PDF: variants seen among roughly 807,000 people sequenced by gnomAD.
PDF encodes peptide deformylase-like protein.
PDF carries 31 observed loss-of-function variants against 20.3 expected under a neutral mutation model. The observed-to-expected ratio is 1.52, with a 90% CI of 1.15 to 2.06. The LOEUF (loss-of-function observed/expected upper bound fraction) is 2.06. Among genes scored for constraint, PDF ranks in the 30% most tolerant of loss-of-function variants. The pLI is 0.00. For synonymous variants in PDF, 254 were observed against 172.0 expected (o/e 1.48, Z -3.73); for missense variants, 447 against 362.5 (o/e 1.23, Z -1.89).
chr16:69,329,546 A>G (rs1426788783), intron 1 of PDF, among the ~76,000 whole-genome samples: 1 of 152,154 alleles, frequency 6.6e-6, no homozygotes, highest in East Asian at 1.9e-4. Context: ...GACCATCTTG[A>G]ACCGACGGGC....
In PDF at chr16:69,327,814, C is replaced by T. The variant is rs1360681158; in HGVS notation, c.*1208G>A. On this transcript the variant is annotated 3_prime_UTR_variant, in exon 2 of 2. Coordinates refer to ENST00000288022, the MANE Select transcript of PDF (RefSeq NM_022341.2). The stretch of plus-strand genomic sequence containing the variant: ...ATTGCCTGAGACCAGGAATTTGAGG[C>T]CAGCCTGGGCAACATAGTAAGACCC... 1 of 151,568 alleles carries T rather than the reference C, an allele frequency of 6.6e-6. No individual in the cohort carries two copies. The highest frequency in any genetic ancestry group is 2.4e-5 in the African/African-American group (1 of 41,180). 9.4% of individuals were successfully genotyped at this position (151,568 alleles called of 1,614,324 possible). A position where few individuals can be genotyped will look rare whatever the true frequency, so the allele number is the denominator to read the frequency against.
At chr16:69,329,793 A>T (rs1387834168) in intron 1 of PDF, among the ~76,000 whole-genome samples, 1 of 151,910 alleles carries the variant, frequency 6.6e-6, no homozygotes, top group African/African-American at 2.4e-5. Flanking sequence ...GAACTAGGGG[A>T]CCTCTCCTCG....
rs1965681066 is a variant in PDF, at chr16:69,328,743, A to G, written c.*279T>C. On this transcript the variant is annotated 3_prime_UTR_variant, in exon 2 of 2. Coordinates refer to ENST00000288022, the MANE Select transcript of PDF (RefSeq NM_022341.2). ...GAGGAACTCGTGTCTACTGCAGACG[A>G]ATGCAATTACCCCACCTTCCTCCAT... 1 of 416,582 alleles carries G rather than the reference A, an allele frequency of 2.4e-6. No individual in the cohort carries two copies. The highest frequency in any genetic ancestry group is 2.9e-5 in the South Asian group (1 of 34,580). The allele number at this position is 416,582 out of a possible 1,614,324, so 25.8% of individuals were successfully genotyped here.
At position 69,328,066 on chromosome 16, in the gene PDF, G is replaced by A. The variant is rs1043869062; in HGVS notation, c.*956C>T. 2 of 152,210 alleles carry A rather than the reference G, an allele frequency of 1.3e-5. No homozygotes were observed. Among genetic ancestry groups the A allele is most frequent in the African/African-American group, 4.8e-5 (2 of 41,524 alleles). 9.4% of individuals were successfully genotyped at this position (152,210 alleles called of 1,614,324 possible). ...TGGGTTCAAGTAATTCTCTGCCTTG[G>A]CTTCACGAGTAGCTGGGATTACAGG... On this transcript the variant is annotated 3_prime_UTR_variant, in exon 2 of 2. Transcript: ENST00000288022.
Position 69,328,810 on chromosome 16 carries a change from T to C in PDF, c.*212A>G. On this transcript the variant is annotated 3_prime_UTR_variant, in exon 2 of 2. Coordinates refer to ENST00000288022, the MANE Select transcript of PDF (RefSeq NM_022341.2). ...ATGTCCACTCCTTTGGGGGTGATTT[T>C]TCTCCTCAAGTTGTAGCCAACATTT... is the stretch of plus-strand genomic sequence containing the variant. 1 of 605,728 alleles carries C rather than the reference T, an allele frequency of 1.7e-6. No individual in the cohort carries two copies. The highest frequency in any genetic ancestry group is 2.7e-6 in the Non-Finnish European group (1 of 363,940). 37.5% of individuals were successfully genotyped at this position (605,728 alleles called of 1,614,324 possible). A position where few individuals can be genotyped will look rare whatever the true frequency, so the allele number is the denominator to read the frequency against.
At position 69,329,902 on chromosome 16, in the gene PDF, C is replaced by T. The variant is rs116769441; in HGVS notation, c.574+95G>A. The T allele has an allele frequency of 2.5e-3, 3,417 of 1,371,408 alleles. 77 individuals carry two copies. The African/African-American group carries it at 0.047, about 19-fold the overall frequency. The allele number at this position is 1,371,408 out of a possible 1,614,324, so 85.0% of individuals were successfully genotyped here. On this transcript the variant is annotated intron_variant, in intron 1 of 1. Transcript: ENST00000288022. ...TCCCACTTCGCTCCTGCGGGAGGTC[C>T]GGCGTATGAACCGCGACCACTTCTG...
At chr16:69,329,232 C>G in intron 1 of PDF, 53 bp from the exon 2 acceptor site, 1 of 1,492,402 alleles carries the variant, frequency 6.7e-7, no homozygotes, top group Non-Finnish European at 8.9e-7. Flanking sequence ...CTGCATCATC[C>G]TCAACCTCCC....
chr16:69,327,546 C>G lies in PDF; in HGVS notation c.*1476G>C, dbSNP rs1309645069. On this transcript the variant is annotated 3_prime_UTR_variant, in exon 2 of 2. Coordinates refer to ENST00000288022, the MANE Select transcript of PDF (RefSeq NM_022341.2). ...CCTCATGGGGCCTCAGAGAAAGCCA[C>G]AAAGGAGGATGGGTCTTTCCTGGGT... 1 of 151,960 alleles carries G rather than the reference C, an allele frequency of 6.6e-6. No individual in the cohort carries two copies. Among genetic ancestry groups the G allele is most frequent in the Non-Finnish European group, 1.5e-5 (1 of 68,008 alleles). The allele number at this position is 151,960 out of a possible 1,614,324, so 9.4% of individuals were successfully genotyped here.
At position 69,329,072 on chromosome 16, in the gene PDF, T is replaced by C; in HGVS notation, c.682A>G (p.Met228Val). The change falls in exon 2 of 2, where the codon ATG becomes GTG. Residue 228 changes from methionine (M) to valine (V), a missense_variant. Transcript: ENST00000288022. ...HLQGCLFIDK[M>V]DSRTFTNVYW... ...ACGTTTGTGAACGTCCTGCTGTCCA[T>C]TTTGTCAATAAACAGGCAGCCCTGC... 2.5e-6 allele frequency: 4 copies of C among 1,612,174 alleles called. No homozygotes were observed. Among genetic ancestry groups the C allele is most frequent in the East Asian group, 2.2e-5 (1 of 44,792 alleles).
chr16:69,330,511 G>A lies in PDF; in HGVS notation c.60C>T (p.Gly20=), dbSNP rs2011721783. The change falls in exon 1 of 2, where the codon GGC becomes GGT. Residue 20 remains glycine, a synonymous_variant. Transcript: ENST00000288022. ...LWPLWAAVPW[G]GAAAVGVRAC... ...CCCGGACACCGACGGCTGCCGCCCC[G>A]CCCCACGGCACGGCCGCCCACAGTG... The A allele has an allele frequency of 2.0e-6, 3 of 1,471,678 alleles. No individual in the cohort carries two copies. The highest frequency in any genetic ancestry group is 4.9e-5 in the Admixed American group (2 of 40,650). The allele number at this position is 1,471,678 out of a possible 1,614,324, so 91.2% of individuals were successfully genotyped here. A position where few individuals can be genotyped will look rare whatever the true frequency, so the allele number is the denominator to read the frequency against.
Position 69,328,595 on chromosome 16 carries a change from G to A in PDF, c.*427C>T, listed in dbSNP as rs1176114738. 2.2e-5 allele frequency: 4 copies of A among 180,552 alleles called. No individual in the cohort carries two copies. Among genetic ancestry groups the A allele is most frequent in the South Asian group, 1.1e-4 (1 of 9,356 alleles). The allele number at this position is 180,552 out of a possible 1,614,324, so 11.2% of individuals were successfully genotyped here. A position where few individuals can be genotyped will look rare whatever the true frequency, so the allele number is the denominator to read the frequency against. On this transcript the variant is annotated 3_prime_UTR_variant, in exon 2 of 2. Coordinates refer to ENST00000288022, the MANE Select transcript of PDF (RefSeq NM_022341.2). ...TGGCGTCTAAGGCCACAAGCCCTCC[G>A]TAAAAATAAGAACTCGGCACAAATG...
chr16:69,330,370 C>T lies in PDF; in HGVS notation c.201G>A (p.Val67=), dbSNP rs1476966569. ...LGPPEPPFSH[V]CQVGDPVLRG... is the part of the protein sequence containing the mutation. ...GCAGCACCGGGTCCCCGACTTGGCA[C>T]ACGTGCGAGAACGGCGGTTCGGGAG... Residue 67 remains valine (V), a synonymous_variant, in exon 1 of 2, where the codon GTG becomes GTA. Transcript: ENST00000288022. 7 of 1,479,370 alleles carry T rather than the reference C, an allele frequency of 4.7e-6. No individual in the cohort carries two copies. Among genetic ancestry groups the T allele is most frequent in the Non-Finnish European group, 6.2e-6 (7 of 1,122,992 alleles). 91.6% of individuals were successfully genotyped at this position (1,479,370 alleles called of 1,614,324 possible).
At position 69,329,993 on chromosome 16, in the gene PDF, G is replaced by A. The variant is rs767502604; in HGVS notation, c.574+4C>T. ...CCAGCAGCCCCGGTCCCCGCCGCCC[G>A]CACCTGAGATCTGCACCGCCTGGAA... On this transcript the variant is annotated splice_donor_region_variant and intron_variant, in intron 1 of 1. Transcript: ENST00000288022. 55 of 1,521,674 alleles carry A rather than the reference G, an allele frequency of 3.6e-5. No homozygotes were observed. The East Asian group carries it at 7.0e-4, about 19-fold the overall frequency. 94.3% of individuals were successfully genotyped at this position (1,521,674 alleles called of 1,614,324 possible).
chr16:69,327,113 C>A lies in PDF; in HGVS notation c.*1909G>T, dbSNP rs182126101. The A allele has an allele frequency of 8.9e-4, 135 of 151,624 alleles. No homozygotes were observed. Among genetic ancestry groups the A allele is most frequent in the African/African-American group, 3.0e-3 (124 of 41,296 alleles). 9.4% of individuals were successfully genotyped at this position (151,624 alleles called of 1,614,324 possible). ...ATCTATGAGCTTTCTACAAATCTCC[C>A]CATTGGCTGCATCTCTGACCTTGCA... is the stretch of plus-strand genomic sequence containing the variant. On this transcript the variant is annotated 3_prime_UTR_variant, in exon 2 of 2. Transcript: ENST00000288022.
rs927556002 is a variant in PDF, at chr16:69,328,795, C to CT, written c.*226dup. The CT allele has an allele frequency of 3.6e-6, 2 of 560,786 alleles. No homozygotes were observed. Among genetic ancestry groups the CT allele is most frequent in the African/African-American group, 3.9e-5 (2 of 51,736 alleles). The allele number at this position is 560,786 out of a possible 1,614,324, so 34.7% of individuals were successfully genotyped here. Reference sequence around the variant, plus strand: ...CAGAATTGTTAGGAAATGTCCACTCCTTTGGGGGTGATTTTTCTCCTCAAG... The same window carrying CT: ...CAGAATTGTTAGGAAATGTCCACTCCTTTTGGGGGTGATTTTTCTCCTCAAG... On this transcript the variant is annotated 3_prime_UTR_variant, in exon 2 of 2. Transcript: ENST00000288022.
intron 1 of PDF, among the ~76,000 whole-genome samples, chr16:69,329,442 C>G (rs1343139434): frequency 2.0e-5 from 3 of 152,204 alleles, no homozygotes; most frequent in Non-Finnish European, 4.4e-5. Flanking sequence ...TTCTACGGTG[C>G]GACCCTTCCG....
rs2011650156 is a variant in PDF at position 69,330,013 on chromosome 16, C to T, written c.558G>A (p.Gln186=). ...AGFLACVPRF[Q]AVQISGLDPN... ...CGCCCGCACCTGAGATCTGCACCGC[C>T]TGGAAGCGGGGCACGCAGGCCAGGA... is the stretch of plus-strand genomic sequence containing the variant. Residue 186 remains glutamine, a synonymous_variant, in exon 1 of 2, where the codon CAG becomes CAA. Coordinates refer to ENST00000288022, the MANE Select transcript of PDF (RefSeq NM_022341.2). 2 of 1,539,854 alleles carry T rather than the reference C, an allele frequency of 1.3e-6. No homozygotes were observed. Among genetic ancestry groups the T allele is most frequent in the Non-Finnish European group, 1.7e-6 (2 of 1,143,032 alleles).
chr16:69,330,337 C>T lies in PDF; in HGVS notation c.234G>A (p.Val78=). The T allele has an allele frequency of 1.4e-6, 2 of 1,458,788 alleles. No homozygotes were observed. Among genetic ancestry groups the T allele is most frequent in the South Asian group, 1.3e-5 (1 of 75,812 alleles). 90.4% of individuals were successfully genotyped at this position (1,458,788 alleles called of 1,614,324 possible). Residue 78 remains valine, a synonymous_variant, in exon 1 of 2, where the codon GTG becomes GTA. Transcript: ENST00000288022. ...GCTGCGCCCGCTCCACCGGGGCCGC[C>T]ACGCCGCGCAGCACCGGGTCCCCGA... ...CQVGDPVLRG[V]AAPVERAQLG... is the part of the protein sequence containing the mutation.
Position 69,328,813 on chromosome 16 carries a change from T to G in PDF, c.*209A>C. 1 of 615,102 alleles carries G rather than the reference T, an allele frequency of 1.6e-6. No homozygotes were observed. Among genetic ancestry groups the G allele is most frequent in the Middle Eastern group, 3.8e-4 (1 of 2,612 alleles). The allele number at this position is 615,102 out of a possible 1,614,324, so 38.1% of individuals were successfully genotyped here. A position where few individuals can be genotyped will look rare whatever the true frequency, so the allele number is the denominator to read the frequency against. ...TCCACTCCTTTGGGGGTGATTTTTC[T>G]CCTCAAGTTGTAGCCAACATTTTGT... On this transcript the variant is annotated 3_prime_UTR_variant, in exon 2 of 2. Coordinates refer to ENST00000288022, the MANE Select transcript of PDF (RefSeq NM_022341.2).
Sources: gnomAD v4.1 joint callset for allele counts (sites outside exome capture counted in the v4.1 genomes callset) on GRCh38, gnomAD v4.1.1 for gene constraint, MANE v1.5 for transcripts, NCBI Gene and HGNC (gene_info 2026-07-23, HGNC 2026-07-21) for gene names.